USH2A: variants seen among roughly 807,000 people sequenced by gnomAD.
The protein encoded by USH2A is Usher syndrome 2A (autosomal recessive, mild).
Under a neutral mutation model 538.9 loss-of-function variants are expected in USH2A, and 443 were observed. The observed-to-expected ratio is 0.82, with a 90% CI of 0.76 to 0.89. The LOEUF is 0.89. Among genes scored for constraint, USH2A ranks in the 40% least tolerant of loss-of-function variants. USH2A has a pLI of 0.00. For synonymous variants in USH2A, 2,413 were observed against 2,273.5 expected (o/e 1.06, Z -1.75); for missense variants, 6,633 against 6,324.8 (o/e 1.05, Z -1.65).
At chr1:215,798,494 GT>G (rs1218711594) in intron 50 of USH2A, among the ~76,000 whole-genome samples, 1 of 152,138 alleles carries the variant, frequency 6.6e-6, no homozygotes, top group African/African-American at 2.4e-5. Flanking sequence ...CACAGTGTCT[GT>G]TAGTATTCAT....
In USH2A at chr1:215,888,415, C is replaced by T; in HGVS notation, c.8223+11G>A. On this transcript the variant is annotated intron_variant, in intron 41 of 71. Coordinates refer to ENST00000307340, the MANE Select transcript of USH2A (RefSeq NM_206933.4). ...AAGTCTGCAAAGGAGAGAGAATAGT[C>T]AGTATCTTACCTGGACTGCATCGGG... The T allele has an allele frequency of 6.2e-7, 1 of 1,612,352 alleles. No homozygotes were observed. The highest frequency in any genetic ancestry group is 8.5e-7 in the Non-Finnish European group (1 of 1,180,000).
chr1:216,422,134 T>C lies in USH2A; in HGVS notation c.203A>G (p.His68Arg). 2 of 1,613,772 alleles carry C rather than the reference T, an allele frequency of 1.2e-6. No individual in the cohort carries two copies. Among genetic ancestry groups the C allele is most frequent in the Non-Finnish European group, 1.7e-6 (2 of 1,179,882 alleles). ...CGLPDRSTFC[H>R]SSAAAESIQF... ...AATACTTTCAGCAGCAGCAGAGCTG[T>C]GACAAAAAGTGCTTCGGTCTGGGAG... Residue 68 changes from histidine to arginine, a missense_variant, in exon 2 of 72, where the codon CAC becomes CGC. By Grantham distance (29) the His-to-Arg change is conservative. Transcript: ENST00000307340.
intron 61 of USH2A, among the ~76,000 whole-genome samples, chr1:215,692,743 A>AT (rs1658659825): frequency 6.6e-6 from 1 of 152,102 alleles, no homozygotes; most frequent in African/African-American, 2.4e-5. Flanking sequence ...TTTAAAAATC[A>AT]TTTTTGAAGG....
chr1:215,874,262 T>C (rs561601828), intron 43 of USH2A, among the ~76,000 whole-genome samples: 8 of 152,252 alleles, frequency 5.3e-5, no homozygotes, highest in African/African-American at 1.7e-4. Context: ...TTGCAAGGAA[T>C]TATTAAGGAA....
rs537411605 is a variant in USH2A at position 215,981,717 on chromosome 1, A to G, written c.6806-10941T>C. ...GACTATCTACTAGTCCAAGCACCAAACCTTATTGTCAACATCTTTTATAAT... is the reference window on the plus strand; with the variant it reads ...GACTATCTACTAGTCCAAGCACCAAGCCTTATTGTCAACATCTTTTATAAT... On this transcript the variant is annotated intron_variant, in intron 35 of 71. Coordinates refer to ENST00000307340, the MANE Select transcript of USH2A (RefSeq NM_206933.4). Among the ~76,000 whole-genome samples the G allele has an allele frequency of 2.6e-5, 4 of 152,240 alleles. No individual in the cohort carries two copies. The East Asian group carries it at 5.8e-4, about 22-fold the overall frequency.
rs727505165 is a variant in USH2A at position 216,048,556 on chromosome 1, C to T, written c.6141G>A (p.Leu2047=). The stretch of plus-strand genomic sequence containing the variant: ...TACCTTCTTGTGGAGTAGAGATGTT[C>T]AATGCATGTGAGCTCTCAGTACAGC... The part of the protein sequence containing the change: ...LAGCTESSHA[L]NISTPQEAPQ... The change falls in exon 31 of 72, where the codon TTG becomes TTA. Residue 2047 remains leucine, a synonymous_variant. Transcript: ENST00000307340. 26 of 1,614,000 alleles carry T rather than the reference C, an allele frequency of 1.6e-5. No homozygotes were observed. Among genetic ancestry groups the T allele is most frequent in the Non-Finnish European group, 2.2e-5 (26 of 1,179,942 alleles).
At position 216,196,936 on chromosome 1, in the gene USH2A, G is replaced by C. The variant is rs74726533; in HGVS notation, c.4082-214C>G. Among the ~76,000 whole-genome samples the C allele has an allele frequency of 0.012, 1,816 of 152,176 alleles. 29 individuals carry two copies. Among genetic ancestry groups the C allele is most frequent in the African/African-American group, 0.041 (1,709 of 41,510 alleles). ...TATATTCTCCATCTTCATATTACCA[G>C]CTACTTTCTACTTGCAAAATAAAAA... On this transcript the variant is annotated intron_variant, in intron 18 of 71. Coordinates refer to ENST00000307340, the MANE Select transcript of USH2A (RefSeq NM_206933.4).
intron 3 of USH2A, among the ~76,000 whole-genome samples, chr1:216,415,550 C>G (rs192989087): frequency 6.4e-4 from 80 of 125,962 alleles, no homozygotes; most frequent in African/African-American, 2.2e-3. Flanking sequence ...GGATCTTGCT[C>G]TTTCGCCCAG....
intron 35 of USH2A, among the ~76,000 whole-genome samples, chr1:215,976,543 G>A (rs918251239): frequency 2.6e-5 from 4 of 152,060 alleles, no homozygotes; most frequent in African/African-American, 9.7e-5. Context: ...TTTATTGAAA[G>A]CTTTTTCTGT....
At chr1:216,293,279 C>T (rs1012650799) in intron 9 of USH2A, among the ~76,000 whole-genome samples, 8 of 152,154 alleles carry the variant, frequency 5.3e-5, no homozygotes, top group Admixed American at 2.6e-4. Context: ...CCACCTCGGC[C>T]GCCCAAAGTG....
At chr1:216,378,469 G>A (rs963157830) in intron 3 of USH2A, among the ~76,000 whole-genome samples, 12 of 152,034 alleles carry the variant, frequency 7.9e-5, no homozygotes, top group Non-Finnish European at 1.5e-4. Flanking sequence ...TGAGATCACA[G>A]GACTTCTGAT....
intron 3 of USH2A, among the ~76,000 whole-genome samples, chr1:216,416,085 G>A (rs531496672): frequency 6.6e-6 from 1 of 152,102 alleles, no homozygotes; most frequent in South Asian, 2.1e-4. Flanking sequence ...ATAATCTCTT[G>A]AACTCAGGAG....
intron 21 of USH2A, chr1:216,174,559 C>T (rs2034337999): frequency 1.0e-6 from 1 of 982,504 alleles, no homozygotes; most frequent in Admixed American, 6.2e-5. Context: ...CATTGATTTT[C>T]ATTTTTAAAA....
chr1:216,048,146 C>T (rs1382700164), intron 31 of USH2A, among the ~76,000 whole-genome samples: 6 of 152,176 alleles, frequency 3.9e-5, no homozygotes, highest in Admixed American at 6.5e-5. Flanking sequence ...CCGTTTGATT[C>T]TCAATTTCAT....
At chr1:216,140,985 T>A (rs1485501671) in intron 21 of USH2A, among the ~76,000 whole-genome samples, 1 of 152,192 alleles carries the variant, frequency 6.6e-6, no homozygotes, top group African/African-American at 2.4e-5. Context: ...ACAGATGAAA[T>A]AGAATTGCTC....
At chr1:215,898,243 T>C (rs1665401451) in intron 40 of USH2A, among the ~76,000 whole-genome samples, 1 of 152,210 alleles carries the variant, frequency 6.6e-6, no homozygotes, top group Non-Finnish European at 1.5e-5. Flanking sequence ...GTGTTACTAA[T>C]TCTTACTTAA....
chr1:215,674,904 C>A lies in USH2A; in HGVS notation c.13007G>T (p.Cys4336Phe). 1 of 1,614,188 alleles carries A rather than the reference C, an allele frequency of 6.2e-7. No homozygotes were observed. ...GCTGGTGGAGCATCCTCCACTCGTGCAGGCTTGGAGTGCATAGCTATAGGT... is the reference window on the plus strand; with the variant it reads ...GCTGGTGGAGCATCCTCCACTCGTGAAGGCTTGGAGTGCATAGCTATAGGT... ...FSTYSYALQACTSGGCSTSKP... is the reference protein window; with the variant it reads ...FSTYSYALQAFTSGGCSTSKP... Residue 4336 changes from cysteine to phenylalanine, a missense_variant, in exon 63 of 72, where the codon TGC becomes TTC. Coordinates refer to ENST00000307340, the MANE Select transcript of USH2A (RefSeq NM_206933.4).
At chr1:216,170,451 A>T (rs2034254409) in intron 21 of USH2A, among the ~76,000 whole-genome samples, 1 of 152,108 alleles carries the variant, frequency 6.6e-6, no homozygotes, top group South Asian at 2.1e-4. Flanking sequence ...TTTCTCGTGA[A>T]GACAAATAAA....
intron 30 of USH2A, among the ~76,000 whole-genome samples, chr1:216,050,870 G>A (rs966874467): frequency 6.6e-6 from 1 of 151,844 alleles, no homozygotes; most frequent in Non-Finnish European, 1.5e-5. Context: ...CTCCCAAAGT[G>A]CTGGGATTAC....
Sources: allele counts gnomAD v4.1 joint callset (sites outside exome capture counted in the v4.1 genomes callset), GRCh38; gene constraint gnomAD v4.1.1; transcripts MANE v1.5; gene names NCBI Gene and HGNC (gene_info 2026-07-23, HGNC 2026-07-21).